NPNT: variants seen among roughly 807,000 people sequenced by gnomAD.
NPNT encodes nephronectin.
Under a neutral mutation model 68.6 loss-of-function variants are expected in NPNT, and 45 were observed. That is an observed-to-expected ratio of 0.66 (90% confidence interval 0.52 to 0.84). The LOEUF (loss-of-function observed/expected upper bound fraction) is 0.84. Ranked by LOEUF, NPNT falls within the 40% of genes least tolerant of loss-of-function variation. NPNT has a pLI of 0.00. For missense variants in NPNT, 672 were observed against 714.8 expected, an observed-to-expected ratio of 0.94 and a Z score of 0.68; for synonymous variants, 233 against 253.3, an observed-to-expected ratio of 0.92 and a Z score of 0.76.
chr4:105,912,070 C>T, intron 2 of NPNT: 1 of 697,326 alleles, frequency 1.4e-6, no homozygotes, highest in Non-Finnish European at 2.5e-6. Context: ...TTCAGAAAAG[C>T]ACTGAAAGTT....
rs1426589205 is a variant in NPNT at position 105,895,734 on chromosome 4, C to T, written c.71+11C>T. 2 of 1,549,080 alleles carry T rather than the reference C, an allele frequency of 1.3e-6. No individual in the cohort carries two copies. The highest frequency in any genetic ancestry group is 1.7e-4 in the Middle Eastern group (1 of 5,934). ...CGAGTTCGACGGGAGGTGAGCTGGGCCCCGGGGCGCCCTCTCCTCCTTCCC... is the reference window on the plus strand; with the variant it reads ...CGAGTTCGACGGGAGGTGAGCTGGGTCCCGGGGCGCCCTCTCCTCCTTCCC... On this transcript the variant is annotated intron_variant, in intron 1 of 11. Coordinates refer to ENST00000379987, the MANE Select transcript of NPNT (RefSeq NM_001033047.3).
intron 2 of NPNT, among the ~76,000 whole-genome samples, chr4:105,898,977 G>T (rs1287767888): frequency 6.6e-6 from 1 of 152,116 alleles, no homozygotes; most frequent in Non-Finnish European, 1.5e-5. Context: ...TGAGGAGGAG[G>T]CTTAGAGGAA....
intron 8 of NPNT, among the ~76,000 whole-genome samples, chr4:105,950,821 C>A (rs977339083): frequency 1.3e-5 from 2 of 152,162 alleles, no homozygotes; most frequent in Non-Finnish European, 2.9e-5. Flanking sequence ...CAGGGTTTCA[C>A]CATGTTGCCC....
intron 4 of NPNT, 41 bp from the exon 5 acceptor site, chr4:105,938,260 G>C: frequency 1.3e-6 from 2 of 1,598,596 alleles, no homozygotes; most frequent in South Asian, 2.3e-5. Flanking sequence ...TACAGATTTT[G>C]TTTTCTACCT....
chr4:105,913,826 C>A (rs1428643855), intron 2 of NPNT, among the ~76,000 whole-genome samples: 1 of 152,074 alleles, frequency 6.6e-6, no homozygotes, highest in African/African-American at 2.4e-5. Flanking sequence ...CTAATAATAT[C>A]CATCCATAAA....
rs199986148 is a variant in NPNT, at chr4:105,967,256, C to G, written c.1414C>G (p.Leu472Val). ...GGKAARLVLP[L>V]GRLMHSGDLC... Reference sequence around the variant, plus strand: ...AAAAGCTGCACGCTTGGTGCTACCTCTCGGCCGCCTCATGCATTCAGGGGA... The same window carrying G: ...AAAAGCTGCACGCTTGGTGCTACCTGTCGGCCGCCTCATGCATTCAGGGGA... Residue 472 changes from leucine to valine, a missense_variant, in exon 11 of 12, where the codon CTC becomes GTC. Leu to Val is a conservative substitution (Grantham distance 32). Coordinates refer to ENST00000379987, the MANE Select transcript of NPNT (RefSeq NM_001033047.3). 1.5e-5 allele frequency: 24 copies of G among 1,614,052 alleles called. No homozygotes were observed. Among genetic ancestry groups the G allele is most frequent in the Non-Finnish European group, 1.8e-5 (21 of 1,179,996 alleles).
intron 2 of NPNT, among the ~76,000 whole-genome samples, chr4:105,918,795 A>G (rs554884419): frequency 6.2e-4 from 94 of 152,290 alleles, no homozygotes; most frequent in Non-Finnish European, 1.5e-4. Flanking sequence ...AATCCTCATC[A>G]TAATTAGCAT....
chr4:105,942,718 G>A lies in NPNT; in HGVS notation c.1159+16G>A, dbSNP rs200298233. On this transcript the variant is annotated intron_variant, in intron 8 of 11. Coordinates refer to ENST00000379987, the MANE Select transcript of NPNT (RefSeq NM_001033047.3). ...GATGTGTTCAGTAAGTCTAATAAAT[G>A]TTAGCACATTTTCAATAGGCTCTTT... 25 of 1,576,498 alleles carry A rather than the reference G, an allele frequency of 1.6e-5. No homozygotes were observed. In the East Asian group the frequency reaches 5.4e-4, roughly 34 times the overall value.
intron 2 of NPNT, among the ~76,000 whole-genome samples, chr4:105,900,834 G>GTTTTTTTTTTTTTTTTTTTTTTTT (rs765343668): frequency 2.1e-5 from 2 of 96,638 alleles, no homozygotes; most frequent in African/African-American, 8.9e-5. Flanking sequence ...ACCCTTGGTT[G>GTTTTTTTTTTTTTTTTTTTTTTTT]TTTTTTTTTT....
In NPNT at chr4:105,954,637, C is replaced by T. The variant is rs1731077906; in HGVS notation, c.1160-3834C>T. Among the ~76,000 whole-genome samples, 4 of 152,206 alleles carry T rather than the reference C, an allele frequency of 2.6e-5. No homozygotes were observed. In the South Asian group the frequency reaches 8.3e-4, roughly 31 times the overall value. ...ATCTCCAATTCCATTTGATGCCCTT[C>T]CTCCTGCACCTTCTTGCTGCCTCCC... On this transcript the variant is annotated intron_variant, in intron 8 of 11. Transcript: ENST00000379987.
At position 105,898,371 on chromosome 4, in the gene NPNT, TCTCTCTCTC is replaced by T. The variant is rs1560882069; in HGVS notation, c.172+371_172+379del. ...CTCTCTCTCTCTCTCTCTCTCTCTC[TCTCTCTCTC>T]GCTGACTCGCTTGCTCCAGGCTGGG... On this transcript the variant is annotated intron_variant, in intron 2 of 11. Coordinates refer to ENST00000379987, the MANE Select transcript of NPNT (RefSeq NM_001033047.3). Among the ~76,000 whole-genome samples the T allele has an allele frequency of 4.2e-3, 536 of 128,148 alleles. 3 individuals are homozygous for T. The highest frequency in any genetic ancestry group is 0.019 in the African/African-American group (510 of 26,540). 84.1% of individuals were successfully genotyped at this position (128,148 alleles called of 152,430 possible).
chr4:105,917,817 G>T (rs1727941339), intron 2 of NPNT, among the ~76,000 whole-genome samples: 1 of 152,172 alleles, frequency 6.6e-6, no homozygotes, highest in Admixed American at 6.6e-5. Context: ...TGCTATATTT[G>T]TGAATGTGAT....
intron 2 of NPNT, among the ~76,000 whole-genome samples, chr4:105,919,825 T>C (rs1728106734): frequency 6.6e-6 from 1 of 152,098 alleles, no homozygotes; most frequent in Non-Finnish European, 1.5e-5. Context: ...GTGGTATCCA[T>C]CAGATTTCTC....
At chr4:105,932,775 C>A in intron 3 of NPNT, 2 of 1,085,046 alleles carry the variant, frequency 1.8e-6, no homozygotes, top group Non-Finnish European at 2.7e-6. Flanking sequence ...TCACTTCTTG[C>A]AAATGTTCTG....
Position 105,895,716 on chromosome 4 carries a change from G to A in NPNT, c.64G>A (p.Asp22Asn). 6 of 1,552,908 alleles carry A rather than the reference G, an allele frequency of 3.9e-6. No individual in the cohort carries two copies. Among genetic ancestry groups the A allele is most frequent in the Non-Finnish European group, 5.2e-6 (6 of 1,147,636 alleles). The change falls in exon 1 of 12, where the codon GAC becomes AAC. Residue 22 changes from aspartate to asparagine, a missense_variant. Transcript: ENST00000379987. ...CTACCTGCAGGCGGCCGCCGAGTTC[G>A]ACGGGAGGTGAGCTGGGCCCCGGGG... ...SLYLQAAAEF[D>N]GRWPRQIVSS...
rs762563304 is a variant in NPNT, at chr4:105,938,364, G to A, written c.449G>A (p.Arg150Gln). The change falls in exon 5 of 12, where the codon CGG becomes CAG. Residue 150 changes from arginine (R) to glutamine (Q), a missense_variant. Coordinates refer to ENST00000379987, the MANE Select transcript of NPNT (RefSeq NM_001033047.3). Reference sequence around the variant, plus strand: ...TGTGATGTTGTTAAAGGACAAATACGGTGCCAGTGCCCATCCCCTGGCCTG... The same window carrying A: ...TGTGATGTTGTTAAAGGACAAATACAGTGCCAGTGCCCATCCCCTGGCCTG... ...YGCDVVKGQI[R>Q]CQCPSPGLQL... The A allele has an allele frequency of 1.2e-5, 20 of 1,613,586 alleles. No homozygotes were observed. The highest frequency in any genetic ancestry group is 4.5e-5 in the East Asian group (2 of 44,860).
chr4:105,912,820 A>G (rs1202169142), intron 2 of NPNT, among the ~76,000 whole-genome samples: 1 of 152,192 alleles, frequency 6.6e-6, no homozygotes, highest in Non-Finnish European at 1.5e-5. Context: ...TTGGTGAAAT[A>G]TGTGGAATTG....
At chr4:105,927,712 G>A (rs1728802632) in intron 3 of NPNT, 1 of 179,366 alleles carries the variant, frequency 5.6e-6, no homozygotes. Context: ...GGTACTCCTT[G>A]TTTTTCCACT....
At chr4:105,897,106 G>A (rs1725921888) in intron 1 of NPNT, among the ~76,000 whole-genome samples, 1 of 152,050 alleles carries the variant, frequency 6.6e-6, no homozygotes, top group African/African-American at 2.4e-5. Flanking sequence ...GATACCCAGA[G>A]GAAAAAAGTC....
Sources: allele counts gnomAD v4.1 joint callset (sites outside exome capture counted in the v4.1 genomes callset), GRCh38; gene constraint gnomAD v4.1.1; transcripts MANE v1.5; gene names NCBI Gene and HGNC (gene_info 2026-07-23, HGNC 2026-07-21).